Variants in COL4A2 observed in about 807,000 individuals in gnomAD.
COL4A2 encodes collagen alpha-2(IV) chain.
In COL4A2, 99 loss-of-function variants were observed where a neutral mutation model predicts 200.2. The observed-to-expected ratio is 0.49, with a 90% CI of 0.42 to 0.58. COL4A2 has a LOEUF of 0.58. COL4A2 is among the 20% of genes least tolerant of loss of function. COL4A2 has a pLI of 0.00. For synonymous variants in COL4A2, 897 were observed against 900.6 expected (o/e 1.00, Z 0.07); for missense variants, 1,950 against 2,314.1 (o/e 0.84, Z 3.23).
At chr13:110,333,798 G>C (rs943031375) in intron 3 of COL4A2, among the ~76,000 whole-genome samples, 1 of 152,184 alleles carries the variant, frequency 6.6e-6, no homozygotes, top group Non-Finnish European at 1.5e-5. Context: ...GTATAGTTAT[G>C]ATTATAAATA....
intron 3 of COL4A2, among the ~76,000 whole-genome samples, chr13:110,316,485 C>A (rs1885132529): frequency 6.6e-6 from 1 of 152,226 alleles, no homozygotes; most frequent in Non-Finnish European, 1.5e-5. Flanking sequence ...CTCTGTCCTC[C>A]CCGCCTTCCA....
At chr13:110,451,032 T>C (rs1437478808) in intron 20 of COL4A2, among the ~76,000 whole-genome samples, 2 of 152,142 alleles carry the variant, frequency 1.3e-5, no homozygotes, top group Non-Finnish European at 2.9e-5. Context: ...CCCAGACAAA[T>C]GCCCATGAAA....
chr13:110,496,228 G>T (rs892443495), intron 40 of COL4A2, among the ~76,000 whole-genome samples: 2 of 152,218 alleles, frequency 1.3e-5, no homozygotes, highest in African/African-American at 4.8e-5. Context: ...TCCCCATGAA[G>T]CTAGAACCAG....
chr13:110,422,479 T>C (rs1880290863), intron 4 of COL4A2, among the ~76,000 whole-genome samples: 1 of 152,162 alleles, frequency 6.6e-6, no homozygotes. Context: ...GACACTAAAG[T>C]GCACAAGCTT....
intron 29 of COL4A2, among the ~76,000 whole-genome samples, chr13:110,474,181 C>T (rs935057012): frequency 2.0e-5 from 3 of 152,126 alleles, no homozygotes; most frequent in Non-Finnish European, 4.4e-5. Context: ...TCGGTGCATT[C>T]ACTGTTTATC....
intron 3 of COL4A2, among the ~76,000 whole-genome samples, chr13:110,331,064 T>G (rs1015458808): frequency 2.0e-4 from 31 of 151,640 alleles, no homozygotes; most frequent in Non-Finnish European, 1.5e-4. Flanking sequence ...CCATGCAGCT[T>G]TTTTTTTAAA....
chr13:110,339,497 A>T (rs114078406), intron 3 of COL4A2, among the ~76,000 whole-genome samples: 3,820 of 152,266 alleles, frequency 0.025, 142 homozygotes, highest in African/African-American at 0.087. Flanking sequence ...CTCCGACCCA[A>T]TTGTGAGGAC....
intron 3 of COL4A2, among the ~76,000 whole-genome samples, chr13:110,335,466 C>T (rs1240368509): frequency 6.6e-6 from 1 of 152,272 alleles, no homozygotes; most frequent in Middle Eastern, 3.4e-3. Context: ...TCTCTCTTGT[C>T]TGCCACCATG....
intron 37 of COL4A2, 53 bp from the exon 38 acceptor site, chr13:110,492,017 A>G (rs2139537091): frequency 6.7e-7 from 1 of 1,490,390 alleles, no homozygotes; most frequent in South Asian, 1.3e-5. Context: ...ACCTCACCAC[A>G]CAGCGCCCAA....
At chr13:110,324,584 T>C (rs983018867) in intron 3 of COL4A2, among the ~76,000 whole-genome samples, 9 of 152,230 alleles carry the variant, frequency 5.9e-5, no homozygotes, top group African/African-American at 2.2e-4. Flanking sequence ...GGATGCACGT[T>C]TGACTCAGCC....
At chr13:110,474,931 C>T (rs1882646099) in intron 29 of COL4A2, among the ~76,000 whole-genome samples, 1 of 75,656 alleles carries the variant, frequency 1.3e-5, no homozygotes, top group African/African-American at 4.4e-5. Flanking sequence ...CACATACCCA[C>T]ACACGTGCCT....
chr13:110,389,726 C>T (rs549500010), intron 4 of COL4A2, among the ~76,000 whole-genome samples: 1 of 152,336 alleles, frequency 6.6e-6, no homozygotes, highest in East Asian at 1.9e-4. Context: ...GCCCCAGAAG[C>T]AGGCTGCTGT....
In COL4A2 at chr13:110,401,299, A is replaced by G. The variant is rs375595751; in HGVS notation, c.181-23435A>G. The stretch of plus-strand genomic sequence containing the variant: ...GCATTGCCTTTGCTCAAGAGAATCA[A>G]TCCAACTCATTTTAGTACCATCTGT... On this transcript the variant is annotated intron_variant, in intron 4 of 47. Transcript: ENST00000360467. Among the ~76,000 whole-genome samples the G allele has an allele frequency of 1.3e-4, 20 of 152,344 alleles. 1 individual carries two copies. Among genetic ancestry groups the G allele is most frequent in the East Asian group, 7.7e-4 (4 of 5,186 alleles).
In COL4A2 at chr13:110,444,269, A is replaced by G. The variant is rs542903708; in HGVS notation, c.958-1560A>G. On this transcript the variant is annotated intron_variant, in intron 16 of 47. Coordinates refer to ENST00000360467, the MANE Select transcript of COL4A2 (RefSeq NM_001846.4). ...TTGTTTTGTTTGCTGAGGATGCCACAGCATAGGTGTGTGATGCTCGTGGCC... is the reference window on the plus strand; with the variant it reads ...TTGTTTTGTTTGCTGAGGATGCCACGGCATAGGTGTGTGATGCTCGTGGCC... 1.1e-3 allele frequency among the ~76,000 whole-genome samples: 164 copies of G among 152,324 alleles called. 1 individual carries two copies. The highest frequency in any genetic ancestry group is 3.7e-3 in the African/African-American group (153 of 41,576).
chr13:110,442,768 CAT>C (rs1881175387), intron 16 of COL4A2, among the ~76,000 whole-genome samples: 1 of 152,202 alleles, frequency 6.6e-6, no homozygotes, highest in African/African-American at 2.4e-5. Flanking sequence ...CTAGGGGAAA[CAT>C]ATCTTTAGTA....
Position 110,450,330 on chromosome 13 carries a change from G to C in COL4A2, c.1215G>C (p.Glu405Asp). The part of the protein sequence containing the change: ...DGDQRRGLPG[E>D]MGPKGFIGDP... ...ATCAGAGGAGAGGCCTGCCGGGTGA[G>C]ATGGGACCCAAGGGCTTCATCGGAG... Residue 405 changes from glutamate (E) to aspartate (D), a missense_variant, in exon 20 of 48, where the codon GAG (glutamate) becomes GAC (aspartate). Coordinates refer to ENST00000360467, the MANE Select transcript of COL4A2 (RefSeq NM_001846.4). 6.2e-7 allele frequency: 1 copy of C among 1,613,884 alleles called. No individual in the cohort carries two copies. The highest frequency in any genetic ancestry group is 1.1e-5 in the South Asian group (1 of 91,078).
At chr13:110,365,322 G>C (rs1433271195) in intron 4 of COL4A2, among the ~76,000 whole-genome samples, 1 of 152,032 alleles carries the variant, frequency 6.6e-6, no homozygotes, top group Admixed American at 6.6e-5. Context: ...TGTATTTTTA[G>C]TAGAGATGGG....
intron 4 of COL4A2, among the ~76,000 whole-genome samples, chr13:110,384,194 A>G (rs1000507833): frequency 3.9e-5 from 6 of 152,238 alleles, no homozygotes; most frequent in Admixed American, 3.3e-4. Context: ...TTGCCCTAAA[A>G]GCTGCAAATT....
At chr13:110,404,570 A>G (rs1879493975) in intron 4 of COL4A2, among the ~76,000 whole-genome samples, 1 of 152,212 alleles carries the variant, frequency 6.6e-6, no homozygotes, top group Admixed American at 6.5e-5. Context: ...GGAGCCGCCA[A>G]GGCTCACAGG....
Sources: allele counts gnomAD v4.1 joint callset (sites outside exome capture counted in the v4.1 genomes callset), GRCh38; gene constraint gnomAD v4.1.1; transcripts MANE v1.5; gene names NCBI Gene and HGNC (gene_info 2026-07-23, HGNC 2026-07-21).